Variants in DSCAM observed in about 807,000 individuals in gnomAD.
DSCAM encodes the protein DS cell adhesion molecule, also known as cell adhesion molecule DSCAM.
In DSCAM, 47 loss-of-function variants were observed where a neutral mutation model predicts 217.7. The observed-to-expected ratio is 0.22, with a 90% CI of 0.17 to 0.28. The LOEUF is 0.28. Among genes scored for constraint, DSCAM ranks in the 10% least tolerant of loss-of-function variants. The probability of loss-of-function intolerance (pLI) is 1.00; values close to 1 mark genes in which losing one functional copy is unlikely to be tolerated. For missense variants in DSCAM, 2,080 were observed against 2,618.3 expected, an observed-to-expected ratio of 0.79 and a Z score of 4.49; for synonymous variants, 1,056 against 1,015.3, an observed-to-expected ratio of 1.04 and a Z score of -0.76.
At position 40,751,879 on chromosome 21, in the gene DSCAM, C is replaced by G. The variant is rs557288411; in HGVS notation, c.44-43108G>C. Among the ~76,000 whole-genome samples, 5 of 152,252 alleles carry G rather than the reference C, an allele frequency of 3.3e-5. No homozygotes were observed. The South Asian group carries it at 1.0e-3, about 32-fold the overall frequency. ...CATTGAAGCAAGCAGAGTGCATCACCTCCTTGTAATCCAATATTCATAATA... is the reference window on the plus strand; with the variant it reads ...CATTGAAGCAAGCAGAGTGCATCACGTCCTTGTAATCCAATATTCATAATA... On this transcript the variant is annotated intron_variant, in intron 1 of 32. Transcript: ENST00000400454.
chr21:40,721,325 T>C (rs1281379197), intron 1 of DSCAM, among the ~76,000 whole-genome samples: 1 of 152,144 alleles, frequency 6.6e-6, no homozygotes, highest in Non-Finnish European at 1.5e-5. Flanking sequence ...GAGTAAACTA[T>C]TCCACAGAAA....
chr21:40,263,291 C>A (rs1195737795), intron 11 of DSCAM, among the ~76,000 whole-genome samples: 3 of 152,094 alleles, frequency 2.0e-5, no homozygotes. Context: ...TAGACAAAAT[C>A]ATGTTTAGGT....
At chr21:40,120,260 G>A (rs2090018807) in intron 20 of DSCAM, among the ~76,000 whole-genome samples, 2 of 152,190 alleles carry the variant, frequency 1.3e-5, no homozygotes, top group African/African-American at 2.4e-5. Flanking sequence ...GTGAATCACA[G>A]CTCAGAGATA....
intron 3 of DSCAM, among the ~76,000 whole-genome samples, chr21:40,514,591 C>G (rs1413380366): frequency 6.6e-6 from 1 of 152,180 alleles, no homozygotes; most frequent in Non-Finnish European, 1.5e-5. Context: ...TTCTAATGTT[C>G]TGCAGCAACA....
chr21:40,697,367 T>A (rs1387884671), intron 2 of DSCAM, among the ~76,000 whole-genome samples: 1 of 152,212 alleles, frequency 6.6e-6, no homozygotes, highest in Non-Finnish European at 1.5e-5. Flanking sequence ...TTTTTGCTTT[T>A]GTTGCCTGTG....
Position 40,063,030 on chromosome 21 carries a change from C to T in DSCAM, c.4889-131G>A, listed in dbSNP as rs945579081. Reference sequence around the variant, plus strand: ...ACACAATCATATACCCAGCTCACTACTAATGACCTAGAGTTTCATGGAGTC... The same window carrying T: ...ACACAATCATATACCCAGCTCACTATTAATGACCTAGAGTTTCATGGAGTC... On this transcript the variant is annotated intron_variant, in intron 27 of 32. Transcript: ENST00000400454. The T allele has an allele frequency of 2.2e-5, 14 of 624,434 alleles. No individual in the cohort carries two copies. The Admixed American group carries it at 5.5e-4, about 24-fold the overall frequency. 38.7% of individuals were successfully genotyped at this position (624,434 alleles called of 1,614,324 possible).
At chr21:40,448,606 TAATA>T (rs1169497891) in intron 3 of DSCAM, among the ~76,000 whole-genome samples, 1 of 152,056 alleles carries the variant, frequency 6.6e-6, no homozygotes, top group Non-Finnish European at 1.5e-5. Flanking sequence ...AATAAATCAA[TAATA>T]AATCAATAAT....
intron 3 of DSCAM, among the ~76,000 whole-genome samples, chr21:40,566,401 T>C (rs79537965): frequency 0.042 from 6,463 of 152,300 alleles, 177 homozygotes; most frequent in Middle Eastern, 0.13. Context: ...CAGACATTGC[T>C]GAACTTTTGA....
intron 32 of DSCAM, among the ~76,000 whole-genome samples, chr21:40,041,178 G>A (rs919738925): frequency 6.6e-6 from 1 of 152,172 alleles, no homozygotes; most frequent in African/African-American, 2.4e-5. Context: ...ATTCAAAAGT[G>A]AAGATACTTT....
At chr21:40,464,977 G>A (rs1191042596) in intron 3 of DSCAM, among the ~76,000 whole-genome samples, 1 of 152,044 alleles carries the variant, frequency 6.6e-6, no homozygotes, top group African/African-American at 2.4e-5. Context: ...TTTATCTCAT[G>A]ATCCGCCTGC....
chr21:40,789,602 C>G (rs952153825), intron 1 of DSCAM, among the ~76,000 whole-genome samples: 2 of 143,392 alleles, frequency 1.4e-5, no homozygotes, highest in African/African-American at 2.6e-5. Context: ...GTTGCCCAGG[C>G]TGGAGTGCAG....
intron 10 of DSCAM, among the ~76,000 whole-genome samples, chr21:40,289,536 C>A (rs554673632): frequency 5.3e-5 from 8 of 152,170 alleles, no homozygotes; most frequent in Non-Finnish European, 1.0e-4. Flanking sequence ...CAATTACAGT[C>A]TTAAAATAGG....
intron 3 of DSCAM, among the ~76,000 whole-genome samples, chr21:40,637,140 TATATATATAAATATATATAA>T (rs1350665773): frequency 1.2e-5 from 1 of 80,614 alleles, no homozygotes; most frequent in African/African-American, 4.9e-5. Context: ...AATATATAAA[TATATATATAAATATATATAA>T]ATATAAATAT....
In DSCAM at chr21:40,058,645, C is replaced by G. The variant is rs1299562400; in HGVS notation, c.4920-2805G>C. 5.3e-5 allele frequency among the ~76,000 whole-genome samples: 8 copies of G among 152,288 alleles called. No individual in the cohort carries two copies. The East Asian group carries it at 1.5e-3, about 29-fold the overall frequency. On this transcript the variant is annotated intron_variant, in intron 28 of 32. Transcript: ENST00000400454. ...TTGAGGCAATAATATCCTTCTCATT[C>G]TAAAAGGTCACTGGATTCCAACTAA...
At chr21:40,452,479 C>T (rs1037724228) in intron 3 of DSCAM, among the ~76,000 whole-genome samples, 15 of 151,750 alleles carry the variant, frequency 9.9e-5, no homozygotes, top group Non-Finnish European at 7.4e-5. Context: ...TTGTTTTGCT[C>T]GTAAACATTT....
At position 40,142,595 on chromosome 21, in the gene DSCAM, C is replaced by T. The variant is rs367637984; in HGVS notation, c.3369G>A (p.Gly1123=). The change falls in exon 18 of 33, where the codon GGG becomes GGA. Residue 1123 remains glycine, a synonymous_variant. Coordinates refer to ENST00000400454, the MANE Select transcript of DSCAM (RefSeq NM_001389.5). Reference sequence around the variant, plus strand: ...GGTTGGCCCAGTAAATGACTCTGAACCCCTGGAGAATTCCATTCAAGGCTT... The same window carrying T: ...GGTTGGCCCAGTAAATGACTCTGAATCCCTGGAGAATTCCATTCAAGGCTT... ...SKEALNGILQ[G]FRVIYWANLM... is the part of the protein sequence containing the mutation. 3 of 1,614,022 alleles carry T rather than the reference C, an allele frequency of 1.9e-6. No homozygotes were observed. The highest frequency in any genetic ancestry group is 1.3e-5 in the African/African-American group (1 of 74,902).
rs534145684 is a variant in DSCAM, at chr21:40,151,971, C to T, written c.3019-7240G>A. ...TTTTTCCTTCTTAAAAGAAGGATTCCAGAAAGAGAATTTGCTCACTTACTC... is the reference window on the plus strand; with the variant it reads ...TTTTTCCTTCTTAAAAGAAGGATTCTAGAAAGAGAATTTGCTCACTTACTC... On this transcript the variant is annotated intron_variant, in intron 16 of 32. Transcript: ENST00000400454. Among the ~76,000 whole-genome samples the T allele has an allele frequency of 8.5e-5, 13 of 152,148 alleles. No individual in the cohort carries two copies. In the South Asian group the frequency reaches 1.0e-3, roughly 12 times the overall value.
intron 11 of DSCAM, among the ~76,000 whole-genome samples, chr21:40,229,496 T>G (rs747767716): frequency 2.0e-5 from 3 of 152,226 alleles, no homozygotes; most frequent in Non-Finnish European, 4.4e-5. Context: ...ATGTCCTGCA[T>G]GCTTCACCTG....
chr21:40,578,588 A>T (rs2076875342), intron 3 of DSCAM, among the ~76,000 whole-genome samples: 1 of 152,088 alleles, frequency 6.6e-6, no homozygotes, highest in African/African-American at 2.4e-5. Context: ...CAGCAGCAGC[A>T]CCCAGCGTGG....
Sources: allele counts gnomAD v4.1 joint callset (sites outside exome capture counted in the v4.1 genomes callset), GRCh38; gene constraint gnomAD v4.1.1; transcripts MANE v1.5; gene names NCBI Gene and HGNC (gene_info 2026-07-23, HGNC 2026-07-21).